The following PSMA3 variants were observed in gnomAD, a reference collection of about 807,000 sequenced individuals.
PSMA3 encodes the protein proteasome subunit alpha type-3.
In PSMA3, 8 loss-of-function variants were observed where a neutral mutation model predicts 40.0. That is an observed-to-expected ratio of 0.20 (90% confidence interval 0.12 to 0.36). The LOEUF (loss-of-function observed/expected upper bound fraction) is 0.36. Among genes scored for constraint, PSMA3 ranks in the 10% least tolerant of loss-of-function variants. PSMA3 has a pLI of 1.00. For synonymous variants in PSMA3, 110 were observed against 100.0 expected, an observed-to-expected ratio of 1.10 and a Z score of -0.59; for missense variants, 219 against 310.6, an observed-to-expected ratio of 0.70 and a Z score of 2.22.
intron 6 of PSMA3, among the ~76,000 whole-genome samples, chr14:58,262,425 C>G (rs570381660): frequency 2.9e-4 from 44 of 151,982 alleles, no homozygotes; most frequent in Admixed American, 5.2e-4. Context: ...AGGCTGGTCT[C>G]GAACTCCTGA....
intron 2 of PSMA3, 91 bp from the exon 3 acceptor site, chr14:58,252,028 A>G: frequency 1.5e-6 from 2 of 1,359,028 alleles, no homozygotes; most frequent in Non-Finnish European, 1.0e-6. Context: ...CATGCCTTAA[A>G]TGTTACTTAT....
chr14:58,263,577 A>G (rs1212481639), intron 6 of PSMA3, 128 bp from the exon 7 acceptor site: 6 of 680,636 alleles, frequency 8.8e-6, no homozygotes, highest in African/African-American at 3.6e-5. Context: ...GTGTTTGACT[A>G]TATTTTTCTA....
chr14:58,264,541 ATCAG>A (rs1178848244), intron 7 of PSMA3: 1 of 152,236 alleles, frequency 6.6e-6, no homozygotes, highest in Non-Finnish European at 1.5e-5. Flanking sequence ...CATACCATTT[ATCAG>A]TGTTTTGGTA....
rs758888522 is a variant in PSMA3, at chr14:58,257,862, A to G, written c.330+16A>G. On this transcript the variant is annotated intron_variant, in intron 4 of 10. Transcript: ENST00000216455. ...TCCACTAAAAGTAAGTTGATAACAT[A>G]TTGAGGAACCTTTTGGACAGTAATA... The G allele has an allele frequency of 6.2e-7, 1 of 1,612,110 alleles. No individual in the cohort carries two copies.
intron 5 of PSMA3, among the ~76,000 whole-genome samples, chr14:58,258,915 T>TAGA (rs1890207848): frequency 2.7e-5 from 4 of 148,374 alleles, no homozygotes; most frequent in Non-Finnish European, 3.0e-5. Flanking sequence ...TGAGTTTTAT[T>TAGA]CTATTGGTAA....
chr14:58,269,078 G>T (rs1196605101), intron 8 of PSMA3, among the ~76,000 whole-genome samples: 1 of 151,988 alleles, frequency 6.6e-6, no homozygotes, highest in African/African-American at 2.4e-5. Context: ...GGGATTACAG[G>T]CGCCCACCAC....
rs761734619 is a variant in PSMA3 at position 58,257,788 on chromosome 14, T to G, written c.272T>G (p.Ile91Arg). The change falls in exon 4 of 11, where the codon ATA becomes AGA. Residue 91 changes from isoleucine to arginine, a missense_variant. Transcript: ENST00000216455. Reference sequence around the variant, plus strand: ...GCAGATGCTCGTTCTTTAGCAGACATAGCAAGAGAAGAAGCTTCCAACTTC... The same window carrying G: ...GCAGATGCTCGTTCTTTAGCAGACAGAGCAAGAGAAGAAGCTTCCAACTTC... Reference protein sequence around the residue: ...LLADARSLADIAREEASNFRS... With the variant: ...LLADARSLADRAREEASNFRS... The G allele has an allele frequency of 7.4e-6, 12 of 1,613,560 alleles. No individual in the cohort carries two copies. The highest frequency in any genetic ancestry group is 1.0e-5 in the Non-Finnish European group (12 of 1,179,598).
intron 3 of PSMA3, among the ~76,000 whole-genome samples, chr14:58,252,462 G>T (rs1263190474): frequency 1.3e-5 from 2 of 152,164 alleles, no homozygotes; most frequent in Non-Finnish European, 2.9e-5. Flanking sequence ...GGGCTGGGGA[G>T]TATGCGTAGA....
chr14:58,245,207 GCTGAGTCA>G, intron 1 of PSMA3: 1 of 485,602 alleles, frequency 2.1e-6, no homozygotes, highest in East Asian at 3.2e-5. Context: ...GCTTTGGATT[GCTGAGTCA>G]CTTTCTTCAG....
chr14:58,270,805 T>C, intron 9 of PSMA3, 129 bp from the exon 10 acceptor site: 1 of 831,262 alleles, frequency 1.2e-6, no homozygotes, highest in South Asian at 2.0e-5. Context: ...TATTCGAGTA[T>C]TACTCATAGT....
intron 3 of PSMA3, among the ~76,000 whole-genome samples, chr14:58,253,128 G>A (rs1761078134): frequency 6.6e-6 from 1 of 151,694 alleles, no homozygotes; most frequent in East Asian, 1.9e-4. Flanking sequence ...GGGACTACAG[G>A]TGCCCACTAC....
chr14:58,258,298 G>C, intron 5 of PSMA3: 1 of 258,290 alleles, frequency 3.9e-6, no homozygotes, highest in South Asian at 7.5e-5. Context: ...AATTTAGCCA[G>C]GTGCAGTATC....
chr14:58,258,256 A>G (rs897560304), intron 5 of PSMA3: 5 of 376,412 alleles, frequency 1.3e-5, no homozygotes, highest in African/African-American at 2.0e-5. Flanking sequence ...TGGCCAACGC[A>G]GTGAGAACCT....
chr14:58,257,899 A>G, intron 4 of PSMA3, 26 bp from the exon 5 acceptor site: 1 of 1,612,804 alleles, frequency 6.2e-7, no homozygotes, highest in Non-Finnish European at 8.5e-7. Flanking sequence ...AAGTTTATTA[A>G]TAAGCTCTTC....
chr14:58,256,639 C>T (rs1303486076), intron 3 of PSMA3, among the ~76,000 whole-genome samples: 3 of 150,416 alleles, frequency 2.0e-5, no homozygotes, highest in Admixed American at 6.6e-5. Flanking sequence ...GTCTTGAACT[C>T]GTGACCTTGT....
intron 3 of PSMA3, among the ~76,000 whole-genome samples, chr14:58,257,090 A>G (rs1449977300): frequency 7.7e-6 from 1 of 130,320 alleles, no homozygotes; most frequent in Non-Finnish European, 1.6e-5. Flanking sequence ...TGACACAGTG[A>G]GACTCTGTCT....
At chr14:58,263,813 T>C in intron 7 of PSMA3, 43 bp downstream of exon 7, 1 of 1,560,798 alleles carries the variant, frequency 6.4e-7, no homozygotes, top group Non-Finnish European at 8.8e-7. Context: ...GTCATCCTAA[T>C]GCAGTGAAAT....
At chr14:58,262,760 A>C (rs1392261308) in intron 6 of PSMA3, among the ~76,000 whole-genome samples, 1 of 151,018 alleles carries the variant, frequency 6.6e-6, no homozygotes, top group Non-Finnish European at 1.5e-5. Context: ...ACAGACTTTC[A>C]CCATGTTGCC....
chr14:58,254,123 T>A (rs1890082637), intron 3 of PSMA3, among the ~76,000 whole-genome samples: 1 of 151,384 alleles, frequency 6.6e-6, no homozygotes, highest in African/African-American at 2.4e-5. Flanking sequence ...TTCTCATCAT[T>A]TAGCTTCCAC....
Sources: allele counts gnomAD v4.1 joint callset (sites outside exome capture counted in the v4.1 genomes callset), GRCh38; gene constraint gnomAD v4.1.1; transcripts MANE v1.5; gene names NCBI Gene and HGNC (gene_info 2026-07-23, HGNC 2026-07-21).